The following ANKFN1 variants were observed in gnomAD, a reference collection of about 807,000 sequenced individuals.
ANKFN1 encodes ankyrin repeat and fibronectin type-III domain-containing protein 1.
ANKFN1 carries 74 observed loss-of-function variants against 108.7 expected under a neutral mutation model. That is an observed-to-expected ratio of 0.68 (90% CI 0.56 to 0.83). ANKFN1 has a LOEUF of 0.83. ANKFN1 is among the 40% of genes least tolerant of loss of function. ANKFN1 has a pLI of 0.00. For missense variants in ANKFN1, 1,505 were observed against 1,382.3 expected (o/e 1.09, Z -1.41); for synonymous variants, 547 against 516.2 (o/e 1.06, Z -0.81).
intron 3 of ANKFN1, among the ~76,000 whole-genome samples, chr17:56,317,346 C>G (rs928723907): frequency 2.6e-5 from 4 of 152,184 alleles, no homozygotes; most frequent in Non-Finnish European, 2.9e-5. Context: ...AGGGAAAACT[C>G]CAGCTTGCCT....
chr17:56,047,121 A>G (rs1904692672), intron 4 of ANKFN1, among the ~76,000 whole-genome samples: 1 of 152,182 alleles, frequency 6.6e-6, no homozygotes, highest in African/African-American at 2.4e-5. Context: ...AGTATAAGAC[A>G]GTGCTGTATA....
rs968523882 is a variant in ANKFN1 at position 56,466,348 on chromosome 17, G to C, written c.1558-8G>C. 3.5e-5 allele frequency: 56 copies of C among 1,613,256 alleles called. No individual in the cohort carries two copies. The highest frequency in any genetic ancestry group is 4.5e-5 in the Non-Finnish European group (53 of 1,179,440). ...CCTCTATGCTACCGGTAATCCATTT[G>C]TTTCCAGAATTTACTTGGGACACAC... On this transcript the variant is annotated splice_region_variant and splice_polypyrimidine_tract_variant and intron_variant, in intron 14 of 20. Transcript: ENST00000682825.
At chr17:56,413,666 A>G (rs1469885864) in intron 8 of ANKFN1, among the ~76,000 whole-genome samples, 1 of 152,166 alleles carries the variant, frequency 6.6e-6, no homozygotes, top group Admixed American at 6.5e-5. Context: ...CCTTTTCTGC[A>G]TCTATTGAGG....
At chr17:56,283,066 T>C (rs983522240) in intron 3 of ANKFN1, among the ~76,000 whole-genome samples, 2 of 152,170 alleles carry the variant, frequency 1.3e-5, no homozygotes, top group Non-Finnish European at 2.9e-5. Context: ...TATTATTTCA[T>C]CACCCAGGTA....
In ANKFN1 at chr17:56,372,627, C is replaced by A; in HGVS notation, c.602-19C>A. The stretch of plus-strand genomic sequence containing the variant: ...TTCCCCAGAAAGAAAGAGAAGTAAT[C>A]CCATTTCTTTCCCTTTAGTTGTCAG... On this transcript the variant is annotated intron_variant, in intron 6 of 20. Coordinates refer to ENST00000682825, the MANE Select transcript of ANKFN1 (RefSeq NM_001370326.1). 1.3e-6 allele frequency: 2 copies of A among 1,598,348 alleles called. No homozygotes were observed. Among genetic ancestry groups the A allele is most frequent in the Non-Finnish European group, 1.7e-6 (2 of 1,170,304 alleles).
At chr17:56,450,539 G>A (rs2049447915) in intron 11 of ANKFN1, among the ~76,000 whole-genome samples, 1 of 152,154 alleles carries the variant, frequency 6.6e-6, no homozygotes, top group Non-Finnish European at 1.5e-5. Flanking sequence ...AGATCTCTAA[G>A]AAGTCTTTAC....
chr17:56,431,696 A>G (rs1363596040), intron 8 of ANKFN1, among the ~76,000 whole-genome samples: 2 of 152,242 alleles, frequency 1.3e-5, no homozygotes, highest in African/African-American at 4.8e-5. Context: ...AGGTAAGTGA[A>G]TAAAAGAAAA....
intron 8 of ANKFN1, among the ~76,000 whole-genome samples, chr17:56,421,266 T>C (rs1330219604): frequency 3.9e-5 from 6 of 152,130 alleles, no homozygotes; most frequent in Non-Finnish European, 7.3e-5. Context: ...TGCAAGACAG[T>C]GGGCTTAGTT....
chr17:56,394,835 A>G (rs1184474488), intron 8 of ANKFN1, among the ~76,000 whole-genome samples: 3 of 152,204 alleles, frequency 2.0e-5, no homozygotes, highest in African/African-American at 7.2e-5. Context: ...ATTTTTGGCC[A>G]GATCCCTTTG....
At chr17:56,495,332 TCTCTCA>T (rs2051166606) in intron 19 of ANKFN1, among the ~76,000 whole-genome samples, 1 of 151,800 alleles carries the variant, frequency 6.6e-6, no homozygotes, top group Non-Finnish European at 1.5e-5. Context: ...TCTCTCTCTC[TCTCTCA>T]CTCACTCACT....
intron 15 of ANKFN1, among the ~76,000 whole-genome samples, chr17:56,469,227 C>T (rs1349256760): frequency 6.6e-6 from 1 of 151,884 alleles, no homozygotes; most frequent in Non-Finnish European, 1.5e-5. Flanking sequence ...CACCCACCCC[C>T]ACTCTCCCTT....
At chr17:56,294,438 G>A (rs2044452562) in intron 3 of ANKFN1, among the ~76,000 whole-genome samples, 1 of 152,220 alleles carries the variant, frequency 6.6e-6, no homozygotes. Flanking sequence ...TGCCAAGGAA[G>A]CTTATCAAAG....
chr17:56,332,708 T>C (rs1463065081), intron 4 of ANKFN1, among the ~76,000 whole-genome samples: 4 of 152,276 alleles, frequency 2.6e-5, no homozygotes, highest in Admixed American at 2.6e-4. Context: ...TAATCCTGTA[T>C]GTCTTAATTA....
At chr17:56,201,285 C>T (rs1011578727) in intron 1 of ANKFN1, among the ~76,000 whole-genome samples, 1 of 152,172 alleles carries the variant, frequency 6.6e-6, no homozygotes, top group Non-Finnish European at 1.5e-5. Flanking sequence ...TGTTCTTCTA[C>T]CTAGAAAACT....
At chr17:56,336,600 C>A (rs2045816745) in intron 4 of ANKFN1, among the ~76,000 whole-genome samples, 1 of 151,776 alleles carries the variant, frequency 6.6e-6, no homozygotes, top group African/African-American at 2.4e-5. Context: ...CTATTTGATT[C>A]TTCTCTCTTT....
chr17:56,275,491 T>C (rs2043903869), intron 3 of ANKFN1, among the ~76,000 whole-genome samples: 1 of 152,114 alleles, frequency 6.6e-6, no homozygotes, highest in South Asian at 2.1e-4. Flanking sequence ...AGAATTTCAG[T>C]AGAGCCATAA....
At chr17:56,499,241 G>A in intron 20 of ANKFN1, 143 bp downstream of exon 20, 1 of 764,626 alleles carries the variant, frequency 1.3e-6, no homozygotes, top group Non-Finnish European at 2.1e-6. Flanking sequence ...ACAGCATAGA[G>A]GAAACAAAAT....
At chr17:56,224,859 A>T (rs1406926061) in intron 2 of ANKFN1, 2 of 152,326 alleles carry the variant, frequency 1.3e-5, no homozygotes, top group Non-Finnish European at 2.9e-5. Context: ...CTTCGGTCAA[A>T]GTCTGTTCTG....
In ANKFN1 at chr17:56,440,425, G is replaced by T; in HGVS notation, c.1008+1G>T. 6.2e-7 allele frequency: 1 copy of T among 1,604,552 alleles called. No homozygotes were observed. On this transcript the variant is annotated splice_donor_variant, in intron 9 of 20. Coordinates refer to ENST00000682825, the MANE Select transcript of ANKFN1 (RefSeq NM_001370326.1). LOFTEE classifies it high-confidence loss of function. ...ATGCACAATCACAGGACTTACAATGGTAAATGTCCCCAGTAGACTTTTCAT... is the reference window on the plus strand; with the variant it reads ...ATGCACAATCACAGGACTTACAATGTTAAATGTCCCCAGTAGACTTTTCAT...
Sources: allele counts gnomAD v4.1 joint callset (sites outside exome capture counted in the v4.1 genomes callset), GRCh38; gene constraint gnomAD v4.1.1; transcripts MANE v1.5; gene names NCBI Gene and HGNC (gene_info 2026-07-23, HGNC 2026-07-21).